The following LRRC36 variants were observed in gnomAD, a reference collection of about 807,000 sequenced individuals.
LRRC36 encodes leucine rich repeat containing 36.
A neutral mutation model predicts 81.1 loss-of-function variants in LRRC36; 62 were observed. The ratio of observed to expected loss-of-function variants is 0.76; its 90% confidence interval spans 0.62 to 0.94. LRRC36 has a LOEUF of 0.94. Among genes scored for constraint, LRRC36 ranks in the 40% least tolerant of loss-of-function variants. The pLI is 0.00. For synonymous variants in LRRC36, 334 were observed against 348.6 expected (o/e 0.96, Z 0.47); for missense variants, 761 against 881.7 (o/e 0.86, Z 1.73).
At position 67,378,652 on chromosome 16, in the gene LRRC36, C is replaced by A; in HGVS notation, c.1870C>A (p.Gln624Lys). 3 of 1,614,054 alleles carry A rather than the reference C, an allele frequency of 1.9e-6. No homozygotes were observed. The highest frequency in any genetic ancestry group is 2.5e-6 in the Non-Finnish European group (3 of 1,179,958). Residue 624 changes from glutamine (Q) to lysine (K), a missense_variant, in exon 12 of 14, where the codon CAA becomes AAA. Transcript: ENST00000329956. Reference protein sequence around the residue: ...EENLILSEKIQQLEEGAAISI... With the variant: ...EENLILSEKIKQLEEGAAISI... ...AAACCTCATTTTGTCAGAAAAAATT[C>A]AACAGTTGGAGGAAGGTGCTGCCAT...
rs372067322 is a variant in LRRC36 at position 67,331,408 on chromosome 16, C to G, written c.70+4476C>G. 4.7e-4 allele frequency among the ~76,000 whole-genome samples: 72 copies of G among 152,010 alleles called. 1 individual carries two copies. The highest frequency in any genetic ancestry group is 1.6e-3 in the African/African-American group (68 of 41,454). The stretch of plus-strand genomic sequence containing the variant: ...GTGTTGGTGGTGTGTACCTGTAGTC[C>G]CAGCTACTCAGGAGGCTGAAGTGGA... On this transcript the variant is annotated intron_variant, in intron 1 of 13. Coordinates refer to ENST00000329956, the MANE Select transcript of LRRC36 (RefSeq NM_018296.6).
At chr16:67,327,328 T>G (rs987637993) in intron 1 of LRRC36, among the ~76,000 whole-genome samples, 1 of 151,804 alleles carries the variant, frequency 6.6e-6, no homozygotes, top group Non-Finnish European at 1.5e-5. Flanking sequence ...ACCCCGTCTC[T>G]ACTAAAATAC....
At chr16:67,384,765 A>G in intron 13 of LRRC36, 105 bp from the exon 14 acceptor site, 1 of 745,446 alleles carries the variant, frequency 1.3e-6, no homozygotes, top group Non-Finnish European at 2.3e-6. Context: ...TTCTATTTAA[A>G]GATGTGACTT....
intron 1 of LRRC36, among the ~76,000 whole-genome samples, chr16:67,331,061 GAGAGAGAA>G (rs2037459332): frequency 8.8e-6 from 1 of 113,614 alleles, no homozygotes; most frequent in African/African-American, 3.4e-5. Flanking sequence ...TGTGAGATGT[GAGAGAGAA>G]AGAGAGAGAG....
In LRRC36 at chr16:67,326,834, G is replaced by A; in HGVS notation, c.-29G>A. On this transcript the variant is annotated 5_prime_UTR_variant, in exon 1 of 14. Coordinates refer to ENST00000329956, the MANE Select transcript of LRRC36 (RefSeq NM_018296.6). ...CCTGGCGTGCGCCGGGTGGTCTCGC[G>A]GGCGGTGGCAGGTGAGCGGCGGGCG... 9 of 1,414,484 alleles carry A rather than the reference G, an allele frequency of 6.4e-6. No homozygotes were observed. Among genetic ancestry groups the A allele is most frequent in the Non-Finnish European group, 8.2e-6 (9 of 1,092,942 alleles). 87.6% of individuals were successfully genotyped at this position (1,414,484 alleles called of 1,614,324 possible).
chr16:67,348,080 C>T (rs370143510), intron 4 of LRRC36, among the ~76,000 whole-genome samples: 3 of 152,150 alleles, frequency 2.0e-5, no homozygotes, highest in Admixed American at 6.5e-5. Flanking sequence ...TTGTCCATTA[C>T]TAAAATCCTA....
chr16:67,381,656 CCAGGCTGGAGTG>C (rs1347807749), intron 12 of LRRC36, among the ~76,000 whole-genome samples: 2 of 152,050 alleles, frequency 1.3e-5, no homozygotes, highest in African/African-American at 2.4e-5. Flanking sequence ...ACTCTGTTGC[CCAGGCTGGAGTG>C]CAGTGGCACA....
At chr16:67,379,345 T>C (rs1049299644) in intron 12 of LRRC36, among the ~76,000 whole-genome samples, 1 of 152,148 alleles carries the variant, frequency 6.6e-6, no homozygotes, top group African/African-American at 2.4e-5. Flanking sequence ...AGCCCAGCAG[T>C]TCAAGGTTAG....
intron 9 of LRRC36, 147 bp downstream of exon 9, chr16:67,371,389 C>G: frequency 1.1e-6 from 1 of 908,178 alleles, no homozygotes; most frequent in Non-Finnish European, 1.8e-6. Flanking sequence ...TACTGCCAAG[C>G]TAACACCTGT....
intron 12 of LRRC36, among the ~76,000 whole-genome samples, chr16:67,381,235 A>G (rs1406201750): frequency 2.0e-5 from 3 of 149,890 alleles, no homozygotes; most frequent in Admixed American, 2.0e-4. Context: ...CCTCAGAAAA[A>G]AAAAAAAAAA....
Position 67,346,401 on chromosome 16 carries a change from A to T in LRRC36, c.344A>T (p.Asp115Val). The change falls in exon 3 of 14, where the codon GAT becomes GTT. Residue 115 changes from aspartate to valine, a missense_variant. Asp to Val is a radical substitution (Grantham distance 152). Around this residue, in one of 3 missense-constraint regions of LRRC36, gnomAD observed 263 missense variants for 279.3 expected, o/e 0.94. Transcript: ENST00000329956. ...AATCCTGTTGTAAGGAAAGATACAGATTATAGGCTCTTTGCTGTATATACA... is the reference window on the plus strand; with the variant it reads ...AATCCTGTTGTAAGGAAAGATACAGTTTATAGGCTCTTTGCTGTATATACA... ...RLNPVVRKDT[D>V]YRLFAVYTLQ... The T allele has an allele frequency of 1.2e-6, 2 of 1,613,118 alleles. No homozygotes were observed. Among genetic ancestry groups the T allele is most frequent in the Non-Finnish European group, 1.7e-6 (2 of 1,179,300 alleles).
chr16:67,335,284 C>T (rs2037704940), intron 1 of LRRC36, among the ~76,000 whole-genome samples: 1 of 152,192 alleles, frequency 6.6e-6, no homozygotes. Context: ...GATGCATTCT[C>T]TTTCTCAGGG....
intron 5 of LRRC36, among the ~76,000 whole-genome samples, chr16:67,352,233 G>A (rs2038679367): frequency 2.0e-5 from 3 of 152,174 alleles, no homozygotes; most frequent in African/African-American, 7.2e-5. Context: ...ACTTCGAAAC[G>A]TTAAGGAGCT....
At chr16:67,379,820 C>A (rs556361846) in intron 12 of LRRC36, among the ~76,000 whole-genome samples, 16 of 152,162 alleles carry the variant, frequency 1.1e-4, no homozygotes, top group Non-Finnish European at 2.2e-4. Flanking sequence ...TAGAAAGTTT[C>A]TTCATACCTT....
intron 1 of LRRC36, among the ~76,000 whole-genome samples, chr16:67,341,145 T>C (rs561144215): frequency 3.7e-4 from 45 of 120,836 alleles, no homozygotes; most frequent in African/African-American, 1.4e-3. Context: ...TTCTATAGAA[T>C]ATGTACTCTA....
At chr16:67,335,187 G>A (rs1211282140) in intron 1 of LRRC36, among the ~76,000 whole-genome samples, 1 of 152,192 alleles carries the variant, frequency 6.6e-6, no homozygotes, top group East Asian at 1.9e-4. Context: ...GGAGCACTAC[G>A]GGAGACCGGG....
chr16:67,341,895 C>T, intron 1 of LRRC36, 62 bp from the exon 2 acceptor site: 1 of 1,438,440 alleles, frequency 7.0e-7, no homozygotes, highest in Admixed American at 2.0e-5. Flanking sequence ...GGCCTACTTT[C>T]ACTGACTCTG....
At chr16:67,371,471 G>C (rs1409048592) in intron 9 of LRRC36, 1 of 561,096 alleles carries the variant, frequency 1.8e-6, no homozygotes, top group African/African-American at 1.9e-5. Flanking sequence ...AGGGAGAACT[G>C]TCCCTGATCT....
intron 11 of LRRC36, among the ~76,000 whole-genome samples, chr16:67,377,480 C>A (rs955040901): frequency 6.6e-6 from 1 of 151,886 alleles, no homozygotes; most frequent in Non-Finnish European, 1.5e-5. Flanking sequence ...TACAGGTGCC[C>A]ACCACCATGC....
Sources: gnomAD v4.1 joint callset for allele counts (sites outside exome capture counted in the v4.1 genomes callset) on GRCh38, gnomAD v4.1.1 for gene constraint, gnomAD v4.1.1 regional missense constraint, MANE v1.5 for transcripts, NCBI Gene and HGNC (gene_info 2026-07-23, HGNC 2026-07-21) for gene names.